Variants in SHISA9 observed in about 807,000 individuals in gnomAD.
SHISA9 encodes protein shisa-9.
A neutral mutation model predicts 38.0 loss-of-function variants in SHISA9; 13 were observed. The observed-to-expected ratio is 0.34, with a 90% CI of 0.22 to 0.54. SHISA9 has a LOEUF of 0.54. Ranked by LOEUF, SHISA9 falls within the 20% of genes least tolerant of loss-of-function variation. The pLI, the probability that SHISA9 is intolerant of heterozygous loss-of-function variation, is 0.91. For missense variants in SHISA9, 538 were observed against 575.8 expected (o/e 0.93, Z 0.67); for synonymous variants, 275 against 242.0 (o/e 1.14, Z -1.27).
chr16:13,301,384 A>G, the SHISA9 span, among the ~76,000 whole-genome samples: 2 of 152,216 alleles, frequency 1.3e-5, no homozygotes, highest in African/African-American at 2.4e-5. Context: ...GAGATTCTGC[A>G]TTTTGAATAG....
intron 2 of SHISA9, among the ~76,000 whole-genome samples, chr16:13,185,320 G>T (rs1295040600): frequency 1.3e-5 from 2 of 152,244 alleles, no homozygotes; most frequent in East Asian, 3.9e-4. Context: ...TCCTGCCTCA[G>T]TTTCCCAAGT....
the SHISA9 span, among the ~76,000 whole-genome samples, chr16:13,399,673 T>C: frequency 6.6e-6 from 1 of 152,222 alleles, no homozygotes; most frequent in Non-Finnish European, 1.5e-5. Flanking sequence ...CACCGCTGCT[T>C]ATCCCAGGCC....
chr16:13,064,976 A>G (rs8052153), intron 2 of SHISA9, among the ~76,000 whole-genome samples: 20,445 of 152,028 alleles, frequency 0.13, 2,066 homozygotes, highest in African/African-American at 0.27. Context: ...TTCCTCCTTT[A>G]AGCTTTGTGT....
the SHISA9 span, among the ~76,000 whole-genome samples, chr16:13,504,415 C>G: frequency 1.9e-3 from 285 of 152,224 alleles, no homozygotes; most frequent in African/African-American, 6.4e-3. Context: ...TTGGAAAACA[C>G]GGGCCAGCAT....
chr16:12,902,502 C>T lies in SHISA9; in HGVS notation c.438C>T (p.Thr146=). The T allele has an allele frequency of 6.4e-7, 1 of 1,551,634 alleles. No individual in the cohort carries two copies. The highest frequency in any genetic ancestry group is 8.7e-7 in the Non-Finnish European group (1 of 1,147,006). Residue 146 remains threonine (T), a synonymous_variant, in exon 1 of 5, where the codon ACC becomes ACT. Transcript: ENST00000558583. ...AGGACGACCCCTTGCACGACCCCACCAAGGACAAGACCAACCTGATCGTCT... is the reference window on the plus strand; with the variant it reads ...AGGACGACCCCTTGCACGACCCCACTAAGGACAAGACCAACCTGATCGTCT... The part of the protein sequence containing the change: ...ARKDDPLHDP[T]KDKTNLIVYI...
At chr16:13,469,203 C>T in the SHISA9 span, among the ~76,000 whole-genome samples, 2 of 149,854 alleles carry the variant, frequency 1.3e-5, no homozygotes, top group Non-Finnish European at 3.0e-5. Context: ...GATCATGCCA[C>T]TGCACTCCAA....
chr16:13,524,133 G>C, the SHISA9 span, among the ~76,000 whole-genome samples: 1 of 152,092 alleles, frequency 6.6e-6, no homozygotes, highest in Non-Finnish European at 1.5e-5. Context: ...CAGGGACCTG[G>C]TTATGCATTC....
At chr16:13,415,277 C>T in the SHISA9 span, among the ~76,000 whole-genome samples, 1 of 152,128 alleles carries the variant, frequency 6.6e-6, no homozygotes, top group African/African-American at 2.4e-5. Context: ...ATATCGTGTG[C>T]TTTGCAGAAA....
At chr16:13,202,995 T>G (rs954702082) in intron 2 of SHISA9, among the ~76,000 whole-genome samples, 9 of 152,212 alleles carry the variant, frequency 5.9e-5, no homozygotes, top group Admixed American at 5.2e-4. Flanking sequence ...CTTCAATCCC[T>G]TTAACATCTG....
intron 2 of SHISA9, among the ~76,000 whole-genome samples, chr16:12,983,457 A>T (rs892070888): frequency 1.3e-5 from 2 of 152,118 alleles, no homozygotes; most frequent in Non-Finnish European, 2.9e-5. Context: ...AGTAAACATT[A>T]TTTTTTCTTA....
At chr16:12,970,373 A>G (rs1225058346) in intron 2 of SHISA9, among the ~76,000 whole-genome samples, 2 of 78,490 alleles carry the variant, frequency 2.5e-5, no homozygotes, top group African/African-American at 1.1e-4. Flanking sequence ...ATATATACAT[A>G]TATATATACA....
the SHISA9 span, among the ~76,000 whole-genome samples, chr16:13,549,738 G>A: frequency 6.6e-6 from 1 of 152,040 alleles, no homozygotes; most frequent in Non-Finnish European, 1.5e-5. Context: ...TAATATTAGA[G>A]CTGAGGCCAG....
intron 2 of SHISA9, among the ~76,000 whole-genome samples, chr16:13,168,464 C>T (rs1179334705): frequency 1.3e-5 from 2 of 152,192 alleles, no homozygotes; most frequent in African/African-American, 4.8e-5. Flanking sequence ...ACTCCATTGG[C>T]CAACATATAA....
At chr16:13,089,017 T>G (rs1311196744) in intron 2 of SHISA9, among the ~76,000 whole-genome samples, 2 of 152,238 alleles carry the variant, frequency 1.3e-5, no homozygotes, top group African/African-American at 4.8e-5. Context: ...GATTTTAGCA[T>G]GAAGGACTTG....
the SHISA9 span, among the ~76,000 whole-genome samples, chr16:13,507,080 T>C: frequency 1.8e-4 from 28 of 152,106 alleles, no homozygotes; most frequent in African/African-American, 6.7e-4. Flanking sequence ...TATATATATA[T>C]ATATAAAATC....
the SHISA9 span, among the ~76,000 whole-genome samples, chr16:13,472,377 A>ATTTTTTTT: frequency 1.1e-3 from 60 of 55,478 alleles, 4 homozygotes; most frequent in African/African-American, 1.9e-3. Context: ...GCTCTGCTAA[A>ATTTTTTTT]TTTTTTTTTT....
intron 2 of SHISA9, among the ~76,000 whole-genome samples, chr16:12,994,700 C>T (rs2072436194): frequency 6.6e-6 from 1 of 152,154 alleles, no homozygotes; most frequent in Non-Finnish European, 1.5e-5. Flanking sequence ...GTTACTGCAG[C>T]AAAAACTGAG....
intron 2 of SHISA9, among the ~76,000 whole-genome samples, chr16:13,037,123 C>CAG (rs1255929665): frequency 4.1e-5 from 6 of 146,900 alleles, no homozygotes; most frequent in South Asian, 2.3e-4. Context: ...CACACACACA[C>CAG]ACACACACAC....
At chr16:13,360,501 T>C in the SHISA9 span, among the ~76,000 whole-genome samples, 3 of 152,104 alleles carry the variant, frequency 2.0e-5, no homozygotes, top group African/African-American at 7.2e-5. Context: ...ATAATGGGCT[T>C]CCCCCTTCAC....
Sources: allele counts gnomAD v4.1 joint callset (sites outside exome capture counted in the v4.1 genomes callset), GRCh38; gene constraint gnomAD v4.1.1; transcripts MANE v1.5; gene names NCBI Gene and HGNC (gene_info 2026-07-23, HGNC 2026-07-21).